The following ADAMTS9 variants were observed in gnomAD, a reference collection of about 807,000 sequenced individuals.
ADAMTS9 encodes ADAM metallopeptidase with thrombospondin type 1 motif 9, also known as A disintegrin and metalloproteinase with thrombospondin motifs 9.
Under a neutral mutation model 257.1 loss-of-function variants are expected in ADAMTS9, and 107 were observed. The observed-to-expected ratio is 0.42, with a 90% CI of 0.36 to 0.49. The LOEUF (loss-of-function observed/expected upper bound fraction) is 0.49, where lower values mean the gene tolerates loss of function less well. Ranked by LOEUF, ADAMTS9 falls within the 20% of genes least tolerant of loss-of-function variation. The pLI is 0.03. For synonymous variants in ADAMTS9, 982 were observed against 880.9 expected, an observed-to-expected ratio of 1.11 and a Z score of -2.03; for missense variants, 2,353 against 2,469.1, an observed-to-expected ratio of 0.95 and a Z score of 1.00.
intron 30 of ADAMTS9, among the ~76,000 whole-genome samples, chr3:64,552,732 A>T (rs1576009612): frequency 6.6e-6 from 1 of 151,858 alleles, no homozygotes; most frequent in African/African-American, 2.4e-5. Context: ...TTATTTTTAA[A>T]TTTTTTGTAG....
chr3:64,633,689 C>A lies in ADAMTS9; in HGVS notation c.2038+9G>T. ...GCCAACGGTGAACAGATACACCAGACACACTTACTTCCACTGTATTTAGGG... is the reference window on the plus strand; with the variant it reads ...GCCAACGGTGAACAGATACACCAGAAACACTTACTTCCACTGTATTTAGGG... On this transcript the variant is annotated intron_variant, in intron 13 of 39. Transcript: ENST00000498707. 6.2e-7 allele frequency: 1 copy of A among 1,613,730 alleles called. No homozygotes were observed. The highest frequency in any genetic ancestry group is 1.7e-4 in the Middle Eastern group (1 of 6,058).
At chr3:64,519,364 A>T (rs181053769) in intron 39 of ADAMTS9, among the ~76,000 whole-genome samples, 41 of 152,274 alleles carry the variant, frequency 2.7e-4, no homozygotes, top group Non-Finnish European at 5.6e-4. Flanking sequence ...CCTTTTAAAT[A>T]AGCTCTGCAA....
At chr3:64,673,172 C>T (rs1480331648) in intron 3 of ADAMTS9, among the ~76,000 whole-genome samples, 2 of 151,536 alleles carry the variant, frequency 1.3e-5, no homozygotes, top group East Asian at 1.9e-4. Flanking sequence ...CACACACACC[C>T]TATGCATGAC....
At chr3:64,538,681 G>A (rs2083081698) in intron 37 of ADAMTS9, among the ~76,000 whole-genome samples, 1 of 152,190 alleles carries the variant, frequency 6.6e-6, no homozygotes. Context: ...ACAGTGGTGT[G>A]TTGGCACGTG....
At chr3:64,534,023 AGGCATCT>A (rs2083016189) in intron 37 of ADAMTS9, among the ~76,000 whole-genome samples, 1 of 152,200 alleles carries the variant, frequency 6.6e-6, no homozygotes, top group Admixed American at 6.5e-5. Context: ...TGACTCGCAA[AGGCATCT>A]GAAATACTTT....
intron 30 of ADAMTS9, among the ~76,000 whole-genome samples, chr3:64,555,233 A>T (rs2083318340): frequency 6.6e-6 from 1 of 152,244 alleles, no homozygotes; most frequent in Admixed American, 6.5e-5. Flanking sequence ...CGAAAAAAGC[A>T]GTCCTTACTT....
At chr3:64,543,337 T>A (rs1341206448) in intron 32 of ADAMTS9, among the ~76,000 whole-genome samples, 1 of 152,064 alleles carries the variant, frequency 6.6e-6, no homozygotes, top group Non-Finnish European at 1.5e-5. Flanking sequence ...TAGACCAATA[T>A]CCCTGATGAA....
chr3:64,575,746 T>C (rs148746404), intron 28 of ADAMTS9, among the ~76,000 whole-genome samples: 23 of 152,322 alleles, frequency 1.5e-4, no homozygotes, highest in African/African-American at 4.8e-4. Context: ...GATGGGAGAA[T>C]AGTAGTAACT....
At chr3:64,534,274 TCA>T (rs1364804278) in intron 37 of ADAMTS9, among the ~76,000 whole-genome samples, 3 of 152,194 alleles carry the variant, frequency 2.0e-5, no homozygotes, top group Admixed American at 6.5e-5. Context: ...TCTTGGAACC[TCA>T]GTTTATTCAT....
At position 64,687,422 on chromosome 3, in the gene ADAMTS9, G is replaced by T; in HGVS notation, c.115+121C>A. 1 of 828,074 alleles carries T rather than the reference G, an allele frequency of 1.2e-6. No individual in the cohort carries two copies. The highest frequency in any genetic ancestry group is 1.8e-6 in the Non-Finnish European group (1 of 551,550). The allele number at this position is 828,074 out of a possible 1,614,324, so 51.3% of individuals were successfully genotyped here. ...CCAAAGAAGGGAGAGGCTGCAAAGC[G>T]GGAGATAATTCTTTCTAGGAAAAGG... On this transcript the variant is annotated intron_variant, in intron 1 of 39. Transcript: ENST00000498707. The surrounding 1 kb of genome is among the most constrained non-coding windows in gnomAD (Gnocchi z 4.4).
intron 8 of ADAMTS9, among the ~76,000 whole-genome samples, chr3:64,652,248 C>T (rs924353476): frequency 1.3e-5 from 2 of 152,216 alleles, no homozygotes; most frequent in Non-Finnish European, 2.9e-5. Context: ...GAATAAAAGC[C>T]TATGGAGTCT....
Position 64,655,274 on chromosome 3 carries a change from C to T in ADAMTS9, c.1169+302G>A, listed in dbSNP as rs1701036914. On this transcript the variant is annotated intron_variant, in intron 6 of 39. Coordinates refer to ENST00000498707, the MANE Select transcript of ADAMTS9 (RefSeq NM_182920.2). ...AACACATTTATTCCTCACTTGGTATCTATAGGTTCGTGGTTCTCAACCAAG... is the reference window on the plus strand; with the variant it reads ...AACACATTTATTCCTCACTTGGTATTTATAGGTTCGTGGTTCTCAACCAAG... Among the ~76,000 whole-genome samples the T allele has an allele frequency of 3.9e-5, 6 of 152,320 alleles. No homozygotes were observed. The South Asian group carries it at 1.2e-3, about 32-fold the overall frequency.
At position 64,615,369 on chromosome 3, in the gene ADAMTS9, C is replaced by T. The variant is rs755059603; in HGVS notation, c.3141G>A (p.Arg1047=). 1.2e-6 allele frequency: 2 copies of T among 1,614,056 alleles called. No homozygotes were observed. The highest frequency in any genetic ancestry group is 1.7e-6 in the Non-Finnish European group (2 of 1,179,954). ...CTHQEKVTIQ[R]CSEFPCPQWK... is the part of the protein sequence containing the mutation. ...ACTGTGGACAAGGGAACTCACTGCA[C>T]CTCTGAATGGTAACTTTCTCTTGAT... The change falls in exon 21 of 40, where the codon AGG becomes AGA. Residue 1047 remains arginine, a synonymous_variant. Transcript: ENST00000498707.
chr3:64,549,958 G>C (rs951421519), intron 31 of ADAMTS9, among the ~76,000 whole-genome samples: 5 of 152,210 alleles, frequency 3.3e-5, no homozygotes, highest in African/African-American at 1.2e-4. Context: ...ATTGCTGCCT[G>C]TCAAACTTTG....
chr3:64,550,223 G>C (rs1401163705), intron 31 of ADAMTS9: 1 of 152,148 alleles, frequency 6.6e-6, no homozygotes. Context: ...ATGAAAAAAT[G>C]GTACTTGAGA....
chr3:64,585,232 A>T (rs996540435), intron 28 of ADAMTS9, among the ~76,000 whole-genome samples: 1 of 152,172 alleles, frequency 6.6e-6, no homozygotes, highest in African/African-American at 2.4e-5. Context: ...AGCTAAGAAA[A>T]AGGAAGCAAA....
At chr3:64,600,041 A>C (rs896022581) in intron 26 of ADAMTS9, among the ~76,000 whole-genome samples, 4 of 129,676 alleles carry the variant, frequency 3.1e-5, no homozygotes, top group African/African-American at 1.2e-4. Context: ...CACTTGAGTC[A>C]GTTTCTGTTC....
intron 22 of ADAMTS9, among the ~76,000 whole-genome samples, chr3:64,611,549 T>C (rs148853807): frequency 2.0e-5 from 3 of 151,762 alleles, no homozygotes; most frequent in African/African-American, 7.2e-5. Context: ...ACCAGTTTCA[T>C]GGAAGACATC....
At chr3:64,603,793 A>G in intron 25 of ADAMTS9, 129 bp downstream of exon 25, 1 of 1,101,834 alleles carries the variant, frequency 9.1e-7, no homozygotes, top group Non-Finnish European at 1.3e-6. Context: ...CACAATTTAA[A>G]TCATAAGACA....
Sources: gnomAD v4.1 joint callset for allele counts (sites outside exome capture counted in the v4.1 genomes callset) on GRCh38, gnomAD v4.1.1 for gene constraint, Gnocchi (gnomAD v3.1) non-coding constraint, MANE v1.5 for transcripts, NCBI Gene and HGNC (gene_info 2026-07-23, HGNC 2026-07-21) for gene names.